TTC28: variants seen among roughly 807,000 people sequenced by gnomAD.
TTC28 encodes the protein tetratricopeptide repeat domain 28, also known as tetratricopeptide repeat protein 28.
Under a neutral mutation model 198.0 loss-of-function variants are expected in TTC28, and 61 were observed. The observed-to-expected ratio is 0.31, with a 90% CI of 0.25 to 0.38. The LOEUF (loss-of-function observed/expected upper bound fraction) is 0.38, where lower values mean the gene tolerates loss of function less well. Among genes scored for constraint, TTC28 ranks in the 10% least tolerant of loss-of-function variants. TTC28 has a pLI of 1.00. For missense variants in TTC28, 2,678 were observed against 3,164.0 expected, an observed-to-expected ratio of 0.85 and a Z score of 3.69; for synonymous variants, 1,171 against 1,297.8, an observed-to-expected ratio of 0.90 and a Z score of 2.10.
intron 8 of TTC28, among the ~76,000 whole-genome samples, chr22:28,102,490 C>T (rs1942183296): frequency 1.3e-5 from 2 of 152,306 alleles, no homozygotes; most frequent in Middle Eastern, 3.4e-3. Flanking sequence ...TGAAGGCAAC[C>T]ATTTATTGTA....
In TTC28 at chr22:27,982,331, G is replaced by T; in HGVS notation, c.7336C>A (p.Leu2446Met). 1 of 1,534,594 alleles carries T rather than the reference G, an allele frequency of 6.5e-7. No homozygotes were observed. Among genetic ancestry groups the T allele is most frequent in the Non-Finnish European group, 8.8e-7 (1 of 1,137,330 alleles). Residue 2446 changes from leucine to methionine, a missense_variant, in exon 23 of 23, where the codon CTG becomes ATG. By Grantham distance (15) the Leu-to-Met change is conservative. Transcript: ENST00000397906. This position sits in a 1 kb window ranked among gnomAD's most constrained non-coding sequence, Gnocchi z 5.2. Reference protein sequence around the residue: ...TETTSLGSLPLPAGPPATAPA... With the variant: ...TETTSLGSLPMPAGPPATAPA... ...GCTGTGGCGGGAGGGCCGGCGGGCAGCGGCAGTGAGCCCAGCGAGGTGGTC... is the reference window on the plus strand; with the variant it reads ...GCTGTGGCGGGAGGGCCGGCGGGCATCGGCAGTGAGCCCAGCGAGGTGGTC...
intron 2 of TTC28, among the ~76,000 whole-genome samples, chr22:28,558,763 G>A (rs1169894259): frequency 1.3e-5 from 2 of 152,094 alleles, no homozygotes; most frequent in Non-Finnish European, 2.9e-5. Flanking sequence ...GGGCACAGTG[G>A]CTCATGCCTG....
intron 12 of TTC28, among the ~76,000 whole-genome samples, chr22:28,081,761 G>T (rs1395992114): frequency 6.6e-6 from 1 of 152,140 alleles, no homozygotes; most frequent in African/African-American, 2.4e-5. Context: ...CAAAGTGCTG[G>T]GATTACAGGC....
chr22:28,554,819 C>T (rs891504313), intron 2 of TTC28, among the ~76,000 whole-genome samples: 6 of 151,854 alleles, frequency 4.0e-5, no homozygotes, highest in African/African-American at 1.5e-4. Context: ...TGCTGTGAGC[C>T]GAGATTGTAC....
chr22:28,670,652 A>T (rs2145708670), intron 1 of TTC28, among the ~76,000 whole-genome samples: 1 of 149,982 alleles, frequency 6.7e-6, no homozygotes, highest in South Asian at 2.1e-4. Flanking sequence ...AGCAATGAAC[A>T]TTCATGTTCA....
intron 5 of TTC28, among the ~76,000 whole-genome samples, chr22:28,264,382 A>G (rs540014292): frequency 1.3e-5 from 2 of 152,232 alleles, no homozygotes; most frequent in Admixed American, 1.3e-4. Context: ...TAAATTACCC[A>G]TTCTCGAGTA....
intron 2 of TTC28, among the ~76,000 whole-genome samples, chr22:28,462,779 C>T (rs939600829): frequency 6.6e-6 from 1 of 152,120 alleles, no homozygotes; most frequent in South Asian, 2.1e-4. Context: ...TTTTAGCATG[C>T]AACAGAATCA....
intron 1 of TTC28, among the ~76,000 whole-genome samples, chr22:28,663,785 GGA>G (rs1789840864): frequency 7.9e-6 from 1 of 125,802 alleles, no homozygotes; most frequent in Admixed American, 7.8e-5. Flanking sequence ...CCAACTGGGT[GGA>G]GCCCACCACA....
intron 1 of TTC28, among the ~76,000 whole-genome samples, chr22:28,660,968 C>A (rs560963749): frequency 6.6e-6 from 1 of 151,910 alleles, no homozygotes; most frequent in East Asian, 1.9e-4. Flanking sequence ...AAATTAGAAT[C>A]ATTCTTTTGC....
intron 2 of TTC28, among the ~76,000 whole-genome samples, chr22:28,428,607 A>ATTATTTTATTTTATT (rs202173981): frequency 0.031 from 4,347 of 142,184 alleles, 123 homozygotes; most frequent in South Asian, 0.084. Flanking sequence ...TTCATGAATT[A>ATTATTTTATTTTATT]TTATTTTATT....
intron 14 of TTC28, among the ~76,000 whole-genome samples, chr22:28,012,301 T>C (rs1258982155): frequency 2.0e-5 from 3 of 152,168 alleles, no homozygotes; most frequent in Non-Finnish European, 4.4e-5. Flanking sequence ...GAGAGGGTCA[T>C]AATCCTAAGA....
At chr22:28,275,121 C>T (rs1003603455) in intron 5 of TTC28, among the ~76,000 whole-genome samples, 1 of 151,968 alleles carries the variant, frequency 6.6e-6, no homozygotes, top group African/African-American at 2.4e-5. Flanking sequence ...TTAGCAATCA[C>T]TGGAAGAACC....
chr22:28,444,835 CA>C (rs2047679306), intron 2 of TTC28, among the ~76,000 whole-genome samples: 1 of 152,172 alleles, frequency 6.6e-6, no homozygotes, highest in South Asian at 2.1e-4. Flanking sequence ...GTCCCTGTTC[CA>C]AGTACTAGAA....
At chr22:28,241,239 A>T (rs955349393) in intron 5 of TTC28, among the ~76,000 whole-genome samples, 1 of 152,158 alleles carries the variant, frequency 6.6e-6, no homozygotes, top group Non-Finnish European at 1.5e-5. Context: ...CCAAAATGGA[A>T]AACGAGGATC....
chr22:27,991,416 G>T (rs1937403133), intron 19 of TTC28, among the ~76,000 whole-genome samples: 1 of 152,168 alleles, frequency 6.6e-6, no homozygotes, highest in South Asian at 2.1e-4. Context: ...CAACGAGCAG[G>T]CGTTAATACA....
chr22:28,426,336 A>G (rs1437762830), intron 2 of TTC28, among the ~76,000 whole-genome samples: 1 of 152,192 alleles, frequency 6.6e-6, no homozygotes, highest in East Asian at 1.9e-4. Context: ...GGTTATCTTC[A>G]GTACAGCTGG....
At chr22:28,277,781 G>A (rs2044498919) in intron 5 of TTC28, among the ~76,000 whole-genome samples, 1 of 152,008 alleles carries the variant, frequency 6.6e-6, no homozygotes, top group Non-Finnish European at 1.5e-5. Context: ...CATCTACAAA[G>A]CAGAAAAACT....
chr22:28,549,511 C>T (rs550161242), intron 2 of TTC28, among the ~76,000 whole-genome samples: 1 of 152,228 alleles, frequency 6.6e-6, no homozygotes, highest in South Asian at 2.1e-4. Context: ...CTGTGTTAAA[C>T]ATCAGGACTG....
chr22:28,415,394 G>C (rs556177760), intron 2 of TTC28, among the ~76,000 whole-genome samples: 2 of 152,092 alleles, frequency 1.3e-5, no homozygotes, highest in African/African-American at 2.4e-5. Context: ...AAATCATGTT[G>C]TTAAATCAGA....
Sources: gnomAD v4.1 joint callset for allele counts (sites outside exome capture counted in the v4.1 genomes callset) on GRCh38, gnomAD v4.1.1 for gene constraint, Gnocchi (gnomAD v3.1) non-coding constraint, MANE v1.5 for transcripts, NCBI Gene and HGNC (gene_info 2026-07-23, HGNC 2026-07-21) for gene names.